The following HBP1 variants were observed in gnomAD, a reference collection of about 807,000 sequenced individuals.
HBP1 encodes HMG box-containing protein 1.
HBP1 carries 20 observed loss-of-function variants against 62.6 expected under a neutral mutation model. The ratio of observed to expected loss-of-function variants is 0.32; its 90% CI spans 0.22 to 0.46. The LOEUF (loss-of-function observed/expected upper bound fraction) is 0.46, where lower values mean the gene tolerates loss of function less well. Ranked by LOEUF, HBP1 falls within the 20% of genes least tolerant of loss-of-function variation. The probability of loss-of-function intolerance (pLI) is 1.00; values close to 1 mark genes in which losing one functional copy is unlikely to be tolerated. For synonymous variants in HBP1, 232 were observed against 206.2 expected (o/e 1.12, Z -1.07); for missense variants, 480 against 611.8 (o/e 0.78, Z 2.27).
At chr7:107,171,027 T>C (rs1562881756) in intron 1 of HBP1, among the ~76,000 whole-genome samples, 1 of 140,336 alleles carries the variant, frequency 7.1e-6, no homozygotes, top group Non-Finnish European at 1.5e-5. Context: ...ATATAAAATA[T>C]ATAACATATA....
intron 1 of HBP1, among the ~76,000 whole-genome samples, chr7:107,176,118 C>T (rs1011652970): frequency 3.3e-5 from 5 of 151,724 alleles, no homozygotes; most frequent in Non-Finnish European, 5.9e-5. Context: ...CTCTGTCTCC[C>T]GGGTTCAAGC....
At chr7:107,175,205 TAAA>T (rs149259408) in intron 1 of HBP1, among the ~76,000 whole-genome samples, 1 of 149,730 alleles carries the variant, frequency 6.7e-6, no homozygotes, top group African/African-American at 2.5e-5. Context: ...AGACCTCTTT[TAAA>T]AAAAAAAATC....
rs1798170421 is a variant in HBP1, at chr7:107,200,315, A to G, written c.1527+14A>G. The G allele has an allele frequency of 1.2e-6, 2 of 1,605,334 alleles. No individual in the cohort carries two copies. Among genetic ancestry groups the G allele is most frequent in the Non-Finnish European group, 1.7e-6 (2 of 1,174,948 alleles). On this transcript the variant is annotated intron_variant, in intron 10 of 10. Coordinates refer to ENST00000222574, the MANE Select transcript of HBP1 (RefSeq NM_012257.4). Reference sequence around the variant, plus strand: ...AGAACCAATTCAGTATGTTTCAATAAATAGTGTTTAAAATTATCTTGCCTT... The same window carrying G: ...AGAACCAATTCAGTATGTTTCAATAGATAGTGTTTAAAATTATCTTGCCTT...
At chr7:107,186,154 TTC>T (rs1292753531) in intron 4 of HBP1, among the ~76,000 whole-genome samples, 2 of 143,690 alleles carry the variant, frequency 1.4e-5, no homozygotes, top group East Asian at 2.0e-4. Flanking sequence ...TGTCTTTTTT[TTC>T]TTTTTTTTTC....
intron 1 of HBP1, among the ~76,000 whole-genome samples, chr7:107,171,073 A>ATATATATATATATATT: frequency 9.2e-5 from 8 of 87,194 alleles, no homozygotes; most frequent in African/African-American, 5.3e-4. Context: ...ATATATATAT[A>ATATATATATATATATT]TTTTTTTTTT....
At chr7:107,171,067 A>ATT (rs1395508929) in intron 1 of HBP1, among the ~76,000 whole-genome samples, 11 of 66,666 alleles carry the variant, frequency 1.7e-4, no homozygotes, top group African/African-American at 1.3e-3. Context: ...ATATATATAT[A>ATT]TATATATTTT....
chr7:107,174,535 G>A (rs540359665), intron 1 of HBP1: 535 of 985,158 alleles, frequency 5.4e-4, no homozygotes, highest in Non-Finnish European at 6.2e-4. Context: ...TATACTTGGT[G>A]AATGTTGGAA....
At chr7:107,186,147 C>CTTTTTTTTTTTTTTTTTTTTTTTT (rs961142033) in intron 4 of HBP1, among the ~76,000 whole-genome samples, 2 of 135,116 alleles carry the variant, frequency 1.5e-5, no homozygotes, top group African/African-American at 5.6e-5. Context: ...TTGTGTGTGT[C>CTTTTTTTTTTTTTTTTTTTTTTTT]TTTTTTTTCT....
chr7:107,186,722 A>T, intron 6 of HBP1, 41 bp downstream of exon 6: 1 of 1,082,976 alleles, frequency 9.2e-7, no homozygotes, highest in Non-Finnish European at 1.4e-6. Context: ...AAATCTTTCC[A>T]AATGAAACAA....
At chr7:107,174,002 G>A (rs766263723) in intron 1 of HBP1, among the ~76,000 whole-genome samples, 1 of 152,170 alleles carries the variant, frequency 6.6e-6, no homozygotes, top group South Asian at 2.1e-4. Flanking sequence ...AAATGTAAGG[G>A]CTTCCCTGGT....
chr7:107,175,778 G>A (rs1206949429), intron 1 of HBP1, among the ~76,000 whole-genome samples: 3 of 148,676 alleles, frequency 2.0e-5, no homozygotes, highest in East Asian at 4.0e-4. Flanking sequence ...ATGCAGTGGC[G>A]CAATCCCAGC....
chr7:107,189,490 A>G (rs1310361453), intron 7 of HBP1, 42 bp downstream of exon 7: 1 of 1,461,636 alleles, frequency 6.8e-7, no homozygotes, highest in South Asian at 1.2e-5. Flanking sequence ...TTTTAAACAA[A>G]GCTTCTTAAA....
intron 3 of HBP1, among the ~76,000 whole-genome samples, chr7:107,183,203 A>G (rs758652149): frequency 2.0e-5 from 3 of 152,218 alleles, no homozygotes; most frequent in Non-Finnish European, 4.4e-5. Context: ...AAAACACTTC[A>G]TTATTTATCC....
At chr7:107,183,590 G>A (rs1310682282) in intron 3 of HBP1, among the ~76,000 whole-genome samples, 1 of 151,388 alleles carries the variant, frequency 6.6e-6, no homozygotes, top group African/African-American at 2.4e-5. Flanking sequence ...TAGTCAAAAA[G>A]CTAAAAATTC....
At position 107,186,609 on chromosome 7, in the gene HBP1, G is replaced by A; in HGVS notation, c.693G>A (p.Trp231Ter). The change falls in exon 6 of 11, where the codon TGG (tryptophan) becomes TGA (stop). Residue 231 changes from tryptophan (W) to a stop codon, truncating the protein, a stop_gained. Transcript: ENST00000222574. LOFTEE classifies it high-confidence loss of function. The stretch of plus-strand genomic sequence containing the variant: ...TTCATAAGGGAAGCAATAAGGAATG[G>A]CAAGATGTTGAAGATTTTGCTAGAG... ...LCFHKGSNKE[W>*]QDVEDFARAE... 1 of 1,613,872 alleles carries A rather than the reference G, an allele frequency of 6.2e-7. No homozygotes were observed. Among genetic ancestry groups the A allele is most frequent in the Non-Finnish European group, 8.5e-7 (1 of 1,179,764 alleles).
chr7:107,200,098 A>T, intron 9 of HBP1, 62 bp from the exon 10 acceptor site: 6 of 1,319,540 alleles, frequency 4.5e-6, no homozygotes, highest in Non-Finnish European at 6.2e-6. Flanking sequence ...AAGTAGCAGC[A>T]CTTGACATGA....
rs1167968171 is a variant in HBP1, at chr7:107,171,062, TATA to T, written c.-16+1878_-16+1880del. Among the ~76,000 whole-genome samples the T allele has an allele frequency of 1.3e-3, 90 of 67,332 alleles. 6 individuals are homozygous for T. Among genetic ancestry groups the T allele is most frequent in the African/African-American group, 2.3e-3 (16 of 7,100 alleles). The allele number at this position is 67,332 out of a possible 152,430, so 44.2% of individuals were successfully genotyped here. A position where few individuals can be genotyped will look rare whatever the true frequency, so the allele number is the denominator to read the frequency against. ...ACATGTATAAATATATATATATATA[TATA>T]TATATATATTTTTTTTTTTTTTTGA... On this transcript the variant is annotated intron_variant, in intron 1 of 10. Coordinates refer to ENST00000222574, the MANE Select transcript of HBP1 (RefSeq NM_012257.4).
intron 1 of HBP1, among the ~76,000 whole-genome samples, chr7:107,171,053 A>AACACATACATG (rs1796545685): frequency 4.9e-5 from 3 of 60,890 alleles, no homozygotes; most frequent in Non-Finnish European, 5.3e-5. Flanking sequence ...ATAAATATAT[A>AACACATACATG]TATATATATA....
chr7:107,184,975 C>A (rs929175642), intron 3 of HBP1, among the ~76,000 whole-genome samples: 2 of 152,198 alleles, frequency 1.3e-5, no homozygotes, highest in Non-Finnish European at 2.9e-5. Flanking sequence ...TGCTTCCTTT[C>A]CAGACTGCTG....
Sources: allele counts gnomAD v4.1 joint callset (sites outside exome capture counted in the v4.1 genomes callset), GRCh38; gene constraint gnomAD v4.1.1; transcripts MANE v1.5; gene names NCBI Gene and HGNC (gene_info 2026-07-23, HGNC 2026-07-21).